CSMD1: variants seen among roughly 807,000 people sequenced by gnomAD.
CSMD1 encodes CUB and sushi domain-containing protein 1.
CSMD1 carries 213 observed loss-of-function variants against 417.5 expected under a neutral mutation model. That is an observed-to-expected ratio of 0.51 (90% CI 0.46 to 0.57). The LOEUF (loss-of-function observed/expected upper bound fraction) is 0.57, where lower values mean the gene tolerates loss of function less well. CSMD1 is among the 20% of genes least tolerant of loss of function. The probability of loss-of-function intolerance (pLI) is 0.00; values close to 1 mark genes in which losing one functional copy is unlikely to be tolerated. For synonymous variants in CSMD1, 2,862 were observed against 1,736.8 expected (o/e 1.65, Z -16.11); for missense variants, 6,923 against 4,529.7 (o/e 1.53, Z -15.17).
rs1401071967 is a variant in CSMD1, at chr8:3,926,602, G to C, written c.818+71301C>G. The stretch of plus-strand genomic sequence containing the variant: ...CATTTATTTCTGGTTAATTTTATCA[G>C]TTGTTTAAAATATGATTTTATGAAA... On this transcript the variant is annotated intron_variant, in intron 5 of 69. Transcript: ENST00000635120. 2.0e-5 allele frequency among the ~76,000 whole-genome samples: 3 copies of C among 148,990 alleles called. 1 individual carries two copies. Among genetic ancestry groups the C allele is most frequent in the Non-Finnish European group, 4.5e-5 (3 of 67,390 alleles).
chr8:4,023,638 G>C (rs1262128144), intron 4 of CSMD1, among the ~76,000 whole-genome samples: 3 of 147,508 alleles, frequency 2.0e-5, no homozygotes, highest in Non-Finnish European at 3.0e-5. Flanking sequence ...CCAGGCTAGA[G>C]TGCAGTGGCG....
intron 3 of CSMD1, among the ~76,000 whole-genome samples, chr8:4,197,685 C>G (rs766602025): frequency 1.4e-4 from 21 of 152,178 alleles, no homozygotes; most frequent in Non-Finnish European, 2.6e-4. Flanking sequence ...TTGAGGCCAG[C>G]TTGGCCAACA....
At chr8:3,646,754 G>A (rs1797594240) in intron 7 of CSMD1, among the ~76,000 whole-genome samples, 1 of 152,068 alleles carries the variant, frequency 6.6e-6, no homozygotes, top group Non-Finnish European at 1.5e-5. Flanking sequence ...TGGAAAGAAC[G>A]TTTTCATGGA....
At chr8:4,887,105 CA>C (rs1803798976) in intron 1 of CSMD1, among the ~76,000 whole-genome samples, 1 of 151,970 alleles carries the variant, frequency 6.6e-6, no homozygotes, top group South Asian at 2.1e-4. Flanking sequence ...TATATATAAA[CA>C]TTTACAGCTA....
chr8:4,017,390 C>A (rs1386408463), intron 4 of CSMD1, among the ~76,000 whole-genome samples: 2 of 152,176 alleles, frequency 1.3e-5, no homozygotes, highest in African/African-American at 4.8e-5. Flanking sequence ...ACTACAACCT[C>A]CGCCTCCCGG....
chr8:3,295,512 T>A (rs10107991), intron 25 of CSMD1, among the ~76,000 whole-genome samples: 2 of 151,980 alleles, frequency 1.3e-5, no homozygotes, highest in South Asian at 4.1e-4. Context: ...ACTGTAAGTG[T>A]TTTATTTTCG....
chr8:3,122,357 T>C (rs759547852), intron 41 of CSMD1, among the ~76,000 whole-genome samples: 5 of 152,320 alleles, frequency 3.3e-5, no homozygotes, highest in Non-Finnish European at 7.3e-5. Context: ...AACTACTGCG[T>C]TGATTAGAGA....
At chr8:3,261,798 A>G (rs1801078860) in intron 26 of CSMD1, among the ~76,000 whole-genome samples, 1 of 152,140 alleles carries the variant, frequency 6.6e-6, no homozygotes, top group Non-Finnish European at 1.5e-5. Context: ...TGAAATGATC[A>G]AAAGTCTGGA....
At chr8:4,040,793 T>A (rs1283435320) in intron 3 of CSMD1, among the ~76,000 whole-genome samples, 1 of 152,146 alleles carries the variant, frequency 6.6e-6, no homozygotes, top group African/African-American at 2.4e-5. Context: ...GAGACTAGAT[T>A]TTCAAAAGAT....
chr8:3,454,389 G>C (rs1170717946), intron 12 of CSMD1, among the ~76,000 whole-genome samples: 1 of 152,100 alleles, frequency 6.6e-6, no homozygotes, highest in Admixed American at 6.5e-5. Context: ...TGTTAGTTGA[G>C]GCAGTTTCTT....
intron 1 of CSMD1, among the ~76,000 whole-genome samples, chr8:4,753,895 T>C (rs1202759716): frequency 6.6e-6 from 1 of 152,178 alleles, no homozygotes; most frequent in Non-Finnish European, 1.5e-5. Context: ...TGGCAGGGAG[T>C]TGTTTTCCTG....
chr8:4,218,943 A>G (rs548337162), intron 3 of CSMD1, among the ~76,000 whole-genome samples: 1 of 152,156 alleles, frequency 6.6e-6, no homozygotes, highest in African/African-American at 2.4e-5. Flanking sequence ...TCTCTGAGCA[A>G]TGCTATTTTT....
intron 33 of CSMD1, among the ~76,000 whole-genome samples, chr8:3,191,370 C>T (rs1408986628): frequency 9.2e-5 from 14 of 152,136 alleles, no homozygotes; most frequent in Non-Finnish European, 1.6e-4. Flanking sequence ...GCAGGATAAT[C>T]GCTTCACCCT....
At chr8:3,712,121 A>G (rs1189405157) in intron 6 of CSMD1, among the ~76,000 whole-genome samples, 1 of 151,648 alleles carries the variant, frequency 6.6e-6, no homozygotes, top group African/African-American at 2.4e-5. Flanking sequence ...ATACTGATGT[A>G]GACTATCTGC....
Position 4,931,434 on chromosome 8 carries a change from T to C in CSMD1, c.85+62898A>G, listed in dbSNP as rs565749665. On this transcript the variant is annotated intron_variant, in intron 1 of 69. Transcript: ENST00000635120. The stretch of plus-strand genomic sequence containing the variant: ...GTCTTTGCTGGCTGGTTACCTTTAG[T>C]TGCCAATTTCAAACGCCCAGCCTGC... Among the ~76,000 whole-genome samples the C allele has an allele frequency of 7.2e-5, 11 of 152,278 alleles. No homozygotes were observed. In the East Asian group the frequency reaches 2.1e-3, roughly 29 times the overall value.
chr8:4,177,686 G>C (rs908596359), intron 3 of CSMD1, among the ~76,000 whole-genome samples: 2 of 141,154 alleles, frequency 1.4e-5, no homozygotes, highest in Non-Finnish European at 3.1e-5. Context: ...CCGCTAGCAA[G>C]ACTAACAAAG....
intron 1 of CSMD1, among the ~76,000 whole-genome samples, chr8:4,810,264 A>G (rs1798819306): frequency 6.6e-6 from 1 of 152,238 alleles, no homozygotes; most frequent in Non-Finnish European, 1.5e-5. Context: ...GAAATGATTT[A>G]CCTAATAAAA....
chr8:4,723,664 A>T (rs949600405), intron 1 of CSMD1, among the ~76,000 whole-genome samples: 1 of 152,074 alleles, frequency 6.6e-6, no homozygotes, highest in Non-Finnish European at 1.5e-5. Flanking sequence ...TATCTTTCTC[A>T]GTTTTTACCA....
intron 7 of CSMD1, among the ~76,000 whole-genome samples, chr8:3,677,420 C>T (rs777125074): frequency 1.3e-5 from 2 of 152,168 alleles, no homozygotes; most frequent in African/African-American, 2.4e-5. Context: ...GCATGGGAAA[C>T]AAACCTGATC....
Sources: gnomAD v4.1 joint callset for allele counts (sites outside exome capture counted in the v4.1 genomes callset) on GRCh38, gnomAD v4.1.1 for gene constraint, MANE v1.5 for transcripts, NCBI Gene and HGNC (gene_info 2026-07-23, HGNC 2026-07-21) for gene names.